Variants in MARCHF2 observed in about 807,000 individuals in gnomAD.
MARCHF2 encodes the protein E3 ubiquitin-protein ligase MARCHF2.
A neutral mutation model predicts 24.0 loss-of-function variants in MARCHF2; 22 were observed. The observed-to-expected ratio is 0.92, with a 90% CI of 0.66 to 1.31. The LOEUF is 1.31. Among genes scored for constraint, MARCHF2 ranks in the 50% most tolerant of loss-of-function variants. The pLI, the probability that MARCHF2 is intolerant of heterozygous loss-of-function variation, is 0.00. For missense variants in MARCHF2, 301 were observed against 335.3 expected, an observed-to-expected ratio of 0.90 and a Z score of 0.80; for synonymous variants, 154 against 153.0, an observed-to-expected ratio of 1.01 and a Z score of -0.05.
chr19:8,421,818 A>G lies in MARCHF2; in HGVS notation c.-23A>G, dbSNP rs763876996. On this transcript the variant is annotated 5_prime_UTR_variant, in exon 2 of 5. An upstream open reading frame in the 5' UTR loses its in-frame stop. Transcript: ENST00000215555. ...CTGGAACCATGGGCCTCAGGCCCTG[A>G]GGATACGGGGCTCCCGGTGGCCATG... The G allele has an allele frequency of 6.3e-7, 1 of 1,587,946 alleles. No individual in the cohort carries two copies. The highest frequency in any genetic ancestry group is 1.1e-5 in the South Asian group (1 of 87,524).
At chr19:8,428,680 A>AAAAC (rs1568239481) in intron 3 of MARCHF2, among the ~76,000 whole-genome samples, 18 of 147,368 alleles carry the variant, frequency 1.2e-4, no homozygotes, top group African/African-American at 3.5e-4. Flanking sequence ...AAAAAAAAAA[A>AAAAC]AAACCAAGGC....
chr19:8,419,528 A>C (rs1323393468), intron 1 of MARCHF2, among the ~76,000 whole-genome samples: 8 of 148,780 alleles, frequency 5.4e-5, no homozygotes, highest in Non-Finnish European at 1.2e-4. Context: ...TAAAAATAAA[A>C]ATAATTGGCC....
At chr19:8,423,913 G>A (rs556404604) in intron 2 of MARCHF2, among the ~76,000 whole-genome samples, 3 of 148,720 alleles carry the variant, frequency 2.0e-5, no homozygotes, top group Non-Finnish European at 4.4e-5. Context: ...GAGGCAGGAG[G>A]ATCGCTCGAG....
chr19:8,424,505 A>C (rs1290699298), intron 2 of MARCHF2, among the ~76,000 whole-genome samples: 2 of 152,080 alleles, frequency 1.3e-5, no homozygotes, highest in Admixed American at 1.3e-4. Flanking sequence ...GTCTCTACAA[A>C]AAATACAAAA....
chr19:8,419,768 A>C lies in MARCHF2; in HGVS notation c.-52-2021A>C, dbSNP rs1029411793. Among the ~76,000 whole-genome samples, 25 of 147,446 alleles carry C rather than the reference A, an allele frequency of 1.7e-4. 1 individual carries two copies. Among genetic ancestry groups the C allele is most frequent in the African/African-American group, 6.4e-4 (25 of 38,856 alleles). ...GAGGCAGAGCTTGCAGTGAGCTGAG[A>C]TCAGGCCACTGCACTCCAGCCTGGG... On this transcript the variant is annotated intron_variant, in intron 1 of 4. Coordinates refer to ENST00000215555, the MANE Select transcript of MARCHF2 (RefSeq NM_001005415.2).
chr19:8,416,277 G>A (rs1967085104), intron 1 of MARCHF2, among the ~76,000 whole-genome samples: 1 of 150,704 alleles, frequency 6.6e-6, no homozygotes, highest in East Asian at 2.0e-4. Context: ...AGGAGGTGGA[G>A]GTTGCAGTGA....
chr19:8,438,704 G>A lies in MARCHF2; in HGVS notation c.*158G>A. The A allele has an allele frequency of 3.2e-6, 2 of 623,990 alleles. No homozygotes were observed. Among genetic ancestry groups the A allele is most frequent in the South Asian group, 4.7e-5 (2 of 42,768 alleles). The allele number at this position is 623,990 out of a possible 1,614,324, so 38.7% of individuals were successfully genotyped here. On this transcript the variant is annotated 3_prime_UTR_variant, in exon 5 of 5. Transcript: ENST00000215555. ...AGACACCATGCAGAGCCTAGTCTGTGATCCTGTGTGAAGATATTTTCAGGG... is the reference window on the plus strand; with the variant it reads ...AGACACCATGCAGAGCCTAGTCTGTAATCCTGTGTGAAGATATTTTCAGGG...
At chr19:8,413,560 AGTT>A (rs1967005955) in intron 1 of MARCHF2, 140 bp downstream of exon 1, 1 of 152,072 alleles carries the variant, frequency 6.6e-6, no homozygotes, top group Admixed American at 6.5e-5. Flanking sequence ...CGGGGACCTC[AGTT>A]CCCGTGTCAA....
intron 3 of MARCHF2, among the ~76,000 whole-genome samples, chr19:8,428,649 CAAAAA>C (rs59542078): frequency 6.5e-5 from 2 of 30,618 alleles, no homozygotes; most frequent in African/African-American, 1.3e-4. Flanking sequence ...GACTCTATCT[CAAAAA>C]AAAAAAAAAA....
At chr19:8,431,497 CAAAAAAAAAAA>C (rs60782968) in intron 4 of MARCHF2, among the ~76,000 whole-genome samples, 15 of 57,498 alleles carry the variant, frequency 2.6e-4, no homozygotes, top group Admixed American at 5.2e-4. Flanking sequence ...AACTCGATCT[CAAAAAAAAAAA>C]AAAAAAAAAA....
At chr19:8,433,322 C>G (rs374182860) in intron 4 of MARCHF2, among the ~76,000 whole-genome samples, 2 of 151,834 alleles carry the variant, frequency 1.3e-5, no homozygotes, top group Non-Finnish European at 2.9e-5. Context: ...GGGGGCATAT[C>G]ACTTGAGGTC....
Position 8,426,796 on chromosome 19 carries a change from C to T in MARCHF2, c.364C>T (p.Leu122Phe). 2 of 1,612,018 alleles carry T rather than the reference C, an allele frequency of 1.2e-6. No individual in the cohort carries two copies. Among genetic ancestry groups the T allele is most frequent in the Non-Finnish European group, 1.7e-6 (2 of 1,179,916 alleles). ...TGCAGTGGAGAAACGGCCTCGACCCCTCACAGAGGTACCCTTAAGAGTCTG... is the reference window on the plus strand; with the variant it reads ...TGCAGTGGAGAAACGGCCTCGACCCTTCACAGAGGTACCCTTAAGAGTCTG... ...EFAVEKRPRP[L>F]TEWLKDPGPR... The change falls in exon 3 of 5, where the codon CTC (leucine) becomes TTC (phenylalanine). Residue 122 changes from leucine (L) to phenylalanine (F), a missense_variant. Physicochemically the swap from Leu to Phe is conservative, Grantham distance 22 (BLOSUM62 0). Transcript: ENST00000215555.
chr19:8,417,733 C>T (rs1166190962), intron 1 of MARCHF2, among the ~76,000 whole-genome samples: 26 of 148,666 alleles, frequency 1.7e-4, no homozygotes, highest in Non-Finnish European at 3.1e-4. Flanking sequence ...CCACTACGCC[C>T]GGCCAATACC....
chr19:8,427,019 T>C (rs1967422797), intron 3 of MARCHF2, among the ~76,000 whole-genome samples: 1 of 151,950 alleles, frequency 6.6e-6, no homozygotes, highest in African/African-American at 2.4e-5. Context: ...TTTCATTCAG[T>C]CTTTCTTCTT....
Position 8,421,778 on chromosome 19 carries a change from C to A in MARCHF2, c.-52-11C>A. 4 of 1,496,930 alleles carry A rather than the reference C, an allele frequency of 2.7e-6. No homozygotes were observed. The highest frequency in any genetic ancestry group is 2.3e-5 in the East Asian group (1 of 43,824). 92.7% of individuals were successfully genotyped at this position (1,496,930 alleles called of 1,614,324 possible). A position where few individuals can be genotyped will look rare whatever the true frequency, so the allele number is the denominator to read the frequency against. On this transcript the variant is annotated splice_polypyrimidine_tract_variant and intron_variant, in intron 1 of 4. Coordinates refer to ENST00000215555, the MANE Select transcript of MARCHF2 (RefSeq NM_001005415.2). ...ACCTTGCCCCTAACCTCCGCACTGG[C>A]CTGTTCCCAGGCTCCTGGAACCATG...
intron 4 of MARCHF2, among the ~76,000 whole-genome samples, chr19:8,433,964 C>T (rs752321158): frequency 6.6e-6 from 1 of 151,894 alleles, no homozygotes; most frequent in South Asian, 2.1e-4. Flanking sequence ...GGCAGCAGAA[C>T]CCTTGCTTAG....
chr19:8,434,209 T>C (rs1347406575), intron 4 of MARCHF2, among the ~76,000 whole-genome samples: 1 of 150,672 alleles, frequency 6.6e-6, no homozygotes, highest in Non-Finnish European at 1.5e-5. Flanking sequence ...CTCAGCCTCC[T>C]GAGTAGCTGG....
chr19:8,424,544 G>A (rs1343371643), intron 2 of MARCHF2, among the ~76,000 whole-genome samples: 5 of 152,038 alleles, frequency 3.3e-5, no homozygotes, highest in Non-Finnish European at 7.4e-5. Flanking sequence ...GCCGGCGCCT[G>A]TAGTCCTAGC....
At chr19:8,416,203 A>AT (rs1967083088) in intron 1 of MARCHF2, among the ~76,000 whole-genome samples, 2 of 151,746 alleles carry the variant, frequency 1.3e-5, no homozygotes, top group African/African-American at 4.8e-5. Context: ...TTAGCCGGGT[A>AT]TGGTGGTGGG....
Sources: allele counts gnomAD v4.1 joint callset (sites outside exome capture counted in the v4.1 genomes callset), GRCh38; gene constraint gnomAD v4.1.1; transcripts MANE v1.5; gene names NCBI Gene and HGNC (gene_info 2026-07-23, HGNC 2026-07-21).